The following EZH2 variants were observed in gnomAD, a reference collection of about 807,000 sequenced individuals.
The protein encoded by EZH2 is histone-lysine N-methyltransferase EZH2.
Under a neutral mutation model 98.4 loss-of-function variants are expected in EZH2, and 18 were observed. The observed-to-expected ratio is 0.18, with a 90% CI of 0.13 to 0.27. The LOEUF (loss-of-function observed/expected upper bound fraction) is 0.27. Among genes scored for constraint, EZH2 ranks in the 10% least tolerant of loss-of-function variants. EZH2 has a pLI of 1.00. For synonymous variants in EZH2, 338 were observed against 312.3 expected (o/e 1.08, Z -0.87); for missense variants, 470 against 935.1 (o/e 0.50, Z 6.49).
intron 1 of EZH2, among the ~76,000 whole-genome samples, chr7:148,847,729 CAAG>C (rs557648080): frequency 5.3e-5 from 8 of 152,068 alleles, no homozygotes; most frequent in East Asian, 1.9e-4. Context: ...AAGGTAAATC[CAAG>C]AAGAAGTAAA....
At chr7:148,878,249 A>G (rs1297085541) in intron 1 of EZH2, among the ~76,000 whole-genome samples, 1 of 152,200 alleles carries the variant, frequency 6.6e-6, no homozygotes, top group Non-Finnish European at 1.5e-5. Context: ...GAAACTCTGT[A>G]TTCATTAAAC....
chr7:148,817,932 TCCC>T lies in EZH2; in HGVS notation c.1182_1184del (p.Gly395del), dbSNP rs1262357729. On this transcript the variant is annotated inframe_deletion, in exon 10 of 20. Coordinates refer to ENST00000320356, the MANE Select transcript of EZH2 (RefSeq NM_004456.5). ...CTTCTTCTTCTTTATCATTGTTCTCTCCCCCCGTTTCAGTCCCTGCTTCCCTAT... is the reference window on the plus strand; with the variant it reads ...CTTCTTCTTCTTTATCATTGTTCTCTCCCGTTTCAGTCCCTGCTTCCCTAT... 1.2e-6 allele frequency: 2 copies of T among 1,614,114 alleles called. No individual in the cohort carries two copies. Among genetic ancestry groups the T allele is most frequent in the South Asian group, 2.2e-5 (2 of 91,082 alleles).
At chr7:148,820,937 G>A (rs1805881768) in intron 8 of EZH2, 1 of 152,062 alleles carries the variant, frequency 6.6e-6, no homozygotes, top group Non-Finnish European at 1.5e-5. Context: ...AGAAGAGACA[G>A]AACATTTATC....
chr7:148,849,565 C>A (rs563504937), intron 1 of EZH2, among the ~76,000 whole-genome samples: 46 of 152,152 alleles, frequency 3.0e-4, no homozygotes, highest in African/African-American at 9.6e-4. Flanking sequence ...GCCTTGCCTG[C>A]GAGTTGCTAA....
At chr7:148,868,570 C>T (rs964570656) in intron 1 of EZH2, among the ~76,000 whole-genome samples, 3 of 152,230 alleles carry the variant, frequency 2.0e-5, no homozygotes, top group Admixed American at 2.0e-4. Flanking sequence ...TACAATTTGA[C>T]GCGTGATTTG....
In EZH2 at chr7:148,816,796, C is replaced by G; in HGVS notation, c.1411-18G>C. 1 of 1,586,956 alleles carries G rather than the reference C, an allele frequency of 6.3e-7. No homozygotes were observed. The highest frequency in any genetic ancestry group is 8.7e-7 in the Non-Finnish European group (1 of 1,155,446). ...TCATACACCTGACAAGAGGCACAGT[C>G]ACAGAGCCATGAGGACAGTCTTATT... On this transcript the variant is annotated intron_variant, in intron 11 of 19. Transcript: ENST00000320356.
At chr7:148,811,050 G>GCAGGCC (rs1802926334) in intron 16 of EZH2, among the ~76,000 whole-genome samples, 2 of 152,304 alleles carry the variant, frequency 1.3e-5, no homozygotes, top group African/African-American at 4.8e-5. Flanking sequence ...TGTGGATTAA[G>GCAGGCC]CAGGCCACTC....
intron 1 of EZH2, among the ~76,000 whole-genome samples, chr7:148,873,802 T>A (rs1819803391): frequency 6.6e-6 from 1 of 151,978 alleles, no homozygotes; most frequent in South Asian, 2.1e-4. Context: ...CAAAAACCTT[T>A]TTCTAAGCTC....
intron 19 of EZH2, 136 bp downstream of exon 19, chr7:148,808,935 A>T: frequency 1.5e-6 from 1 of 651,528 alleles, no homozygotes; most frequent in Non-Finnish European, 2.7e-6. Context: ...GGAAAGTGTA[A>T]CCTAATTCCC....
intron 1 of EZH2, among the ~76,000 whole-genome samples, chr7:148,861,696 C>T (rs1383106541): frequency 6.6e-6 from 1 of 151,508 alleles, no homozygotes; most frequent in African/African-American, 2.4e-5. Context: ...TGAGGGCAAG[C>T]GTGGTTGCTC....
chr7:148,810,712 T>C (rs1399319721), intron 16 of EZH2, among the ~76,000 whole-genome samples: 3 of 152,098 alleles, frequency 2.0e-5, no homozygotes, highest in African/African-American at 7.2e-5. Flanking sequence ...CTCACGCCTG[T>C]AATCCCAGCA....
intron 1 of EZH2, among the ~76,000 whole-genome samples, chr7:148,873,118 G>C (rs1056605026): frequency 3.9e-5 from 6 of 152,154 alleles, no homozygotes; most frequent in Admixed American, 3.9e-4. Context: ...AGGAGTCTGA[G>C]GATGTAGTGA....
intron 1 of EZH2, among the ~76,000 whole-genome samples, chr7:148,881,538 A>G (rs181319770): frequency 1.3e-5 from 2 of 152,316 alleles, no homozygotes; most frequent in Admixed American, 6.5e-5. Context: ...TTTAATATGA[A>G]TTTTTAAACC....
intron 9 of EZH2, among the ~76,000 whole-genome samples, chr7:148,818,322 A>G (rs531755717): frequency 4.6e-5 from 7 of 152,348 alleles, no homozygotes; most frequent in African/African-American, 1.4e-4. Flanking sequence ...TATGGGTTCT[A>G]TATATTCCTA....
intron 10 of EZH2, 36 bp downstream of exon 10, chr7:148,817,841 C>G: frequency 6.2e-7 from 1 of 1,613,932 alleles, no homozygotes. Flanking sequence ...CGAACTTTCA[C>G]AGAACAGTAA....
At position 148,820,702 on chromosome 7, in the gene EZH2, A is replaced by T. The variant is rs1185085552; in HGVS notation, c.908-1015T>A. On this transcript the variant is annotated intron_variant, in intron 8 of 19. Transcript: ENST00000320356. Reference sequence around the variant, plus strand: ...TACGTTTGTTAAGGAACCCTAATACAACTGTTTTTCTGTTTATGAGTTAAA... The same window carrying T: ...TACGTTTGTTAAGGAACCCTAATACTACTGTTTTTCTGTTTATGAGTTAAA... Among the ~76,000 whole-genome samples, 3 of 152,204 alleles carry T rather than the reference A, an allele frequency of 2.0e-5. No homozygotes were observed. The East Asian group carries it at 5.8e-4, about 29-fold the overall frequency.
intron 1 of EZH2, among the ~76,000 whole-genome samples, chr7:148,864,926 A>G (rs1470026114): frequency 1.3e-5 from 2 of 152,070 alleles, no homozygotes; most frequent in Admixed American, 6.6e-5. Context: ...CAGGAGTTGG[A>G]GATCAGCCTG....
chr7:148,816,845 T>C (rs948872917), intron 11 of EZH2, 67 bp from the exon 12 acceptor site: 2 of 1,113,508 alleles, frequency 1.8e-6, no homozygotes, highest in African/African-American at 1.5e-5. Flanking sequence ...CTTATACTCA[T>C]GCATACCAGA....
At chr7:148,851,739 C>T (rs189563502) in intron 1 of EZH2, among the ~76,000 whole-genome samples, 31 of 152,184 alleles carry the variant, frequency 2.0e-4, no homozygotes, top group South Asian at 4.2e-4. Context: ...GGTGTAGTGG[C>T]GCACACCTGT....
Sources: allele counts gnomAD v4.1 joint callset (sites outside exome capture counted in the v4.1 genomes callset), GRCh38; gene constraint gnomAD v4.1.1; transcripts MANE v1.5; gene names NCBI Gene and HGNC (gene_info 2026-07-23, HGNC 2026-07-21).